The following MYO9A variants were observed in gnomAD, a reference collection of about 807,000 sequenced individuals.
MYO9A encodes the protein unconventional myosin-IXa.
A neutral mutation model predicts 293.3 loss-of-function variants in MYO9A; 103 were observed. The ratio of observed to expected loss-of-function variants is 0.35; its 90% CI spans 0.30 to 0.41. The LOEUF is 0.41. Among genes scored for constraint, MYO9A ranks in the 10% least tolerant of loss-of-function variants. The pLI is 1.00. For synonymous variants in MYO9A, 1,001 were observed against 1,035.7 expected (o/e 0.97, Z 0.64); for missense variants, 2,685 against 3,033.0 (o/e 0.89, Z 2.69).
intron 1 of MYO9A, among the ~76,000 whole-genome samples, chr15:72,081,417 T>C (rs1354007233): frequency 6.6e-6 from 1 of 152,154 alleles, no homozygotes; most frequent in African/African-American, 2.4e-5. Context: ...GGTTTTCTTC[T>C]TGTAAATTTA....
At chr15:72,037,451 A>C (rs2078089099) in intron 2 of MYO9A, among the ~76,000 whole-genome samples, 1 of 151,974 alleles carries the variant, frequency 6.6e-6, no homozygotes, top group African/African-American at 2.4e-5. Flanking sequence ...TTTGAACTTG[A>C]GGTTCTTTGT....
chr15:71,856,669 A>G lies in MYO9A; in HGVS notation c.6154-2100T>C, dbSNP rs184730370. Among the ~76,000 whole-genome samples, 4 of 152,342 alleles carry G rather than the reference A, an allele frequency of 2.6e-5. No individual in the cohort carries two copies. The East Asian group carries it at 7.7e-4, about 29-fold the overall frequency. On this transcript the variant is annotated intron_variant, in intron 34 of 41. Coordinates refer to ENST00000356056, the MANE Select transcript of MYO9A (RefSeq NM_006901.4). ...ATTATTTTGCATCATTCATGCATGT[A>G]TCTACATGCTCTGCATTCCAGCTCT... is the stretch of plus-strand genomic sequence containing the variant.
Position 71,835,550 on chromosome 15 carries a change from CTAG to C in MYO9A, c.6838-5242_6838-5240del, listed in dbSNP as rs2054906021. ...ATGATTGCATTTAAATATTAAATACCTAGTAGTAATTCAAACTAAAGATGTGTA... is the reference window on the plus strand; with the variant it reads ...ATGATTGCATTTAAATATTAAATACCTAGTAATTCAAACTAAAGATGTGTA... On this transcript the variant is annotated intron_variant, in intron 39 of 41. Transcript: ENST00000356056. Among the ~76,000 whole-genome samples the C allele has an allele frequency of 2.0e-5, 3 of 151,830 alleles. 1 individual carries two copies. The Middle Eastern group carries it at 0.01, about 516-fold the overall frequency.
At position 71,883,684 on chromosome 15, in the gene MYO9A, T is replaced by C. The variant is rs112092094; in HGVS notation, c.5308A>G (p.Lys1770Glu). The C allele has an allele frequency of 6.2e-7, 1 of 1,613,580 alleles. No homozygotes were observed. The highest frequency in any genetic ancestry group is 8.5e-7 in the Non-Finnish European group (1 of 1,179,690). The stretch of plus-strand genomic sequence containing the variant: ...GTAGTAGGTTTCACTCTGGTAGTCT[T>C]CTTCTCCCCTTGTTTCCCTTTGGCC... ...FWAKGKQGEKKTTRVKPTTQS... is the reference protein window; with the variant it reads ...FWAKGKQGEKETTRVKPTTQS... The change falls in exon 28 of 42, where the codon AAG becomes GAG. Residue 1770 changes from lysine to glutamate, a missense_variant. Around this residue, in one of 10 missense-constraint regions of MYO9A, gnomAD observed 1,434 missense variants for 1,497.7 expected, o/e 0.96. Coordinates refer to ENST00000356056, the MANE Select transcript of MYO9A (RefSeq NM_006901.4).
chr15:72,004,011 T>C (rs980304671), intron 8 of MYO9A, among the ~76,000 whole-genome samples: 10 of 152,158 alleles, frequency 6.6e-5, no homozygotes, highest in African/African-American at 1.9e-4. Context: ...CTGACAAAGA[T>C]TGTACATAGA....
chr15:71,825,995 G>GTTTTTTT lies in MYO9A; in HGVS notation c.*578_*584dup, dbSNP rs11368306. 69 of 91,456 alleles carry GTTTTTTT rather than the reference G, an allele frequency of 7.5e-4. No individual in the cohort carries two copies. The highest frequency in any genetic ancestry group is 1.1e-3 in the South Asian group (3 of 2,720). 5.7% of individuals were successfully genotyped at this position (91,456 alleles called of 1,614,324 possible). On this transcript the variant is annotated 3_prime_UTR_variant, in exon 42 of 42. Transcript: ENST00000356056. The stretch of plus-strand genomic sequence containing the variant: ...ATGGAAACAATCACGGTTTTTTTTT[G>GTTTTTTT]TTTTTTTTTTTTTGTTTTTTTTTTT...
At chr15:72,037,064 T>C (rs910757961) in intron 2 of MYO9A, among the ~76,000 whole-genome samples, 5 of 150,448 alleles carry the variant, frequency 3.3e-5, no homozygotes, top group African/African-American at 9.8e-5. Flanking sequence ...CAACAGGGTC[T>C]CACTCTGTCA....
chr15:71,871,911 T>C (rs954097281), intron 32 of MYO9A, among the ~76,000 whole-genome samples: 2 of 151,476 alleles, frequency 1.3e-5, no homozygotes, highest in Non-Finnish European at 1.5e-5. Flanking sequence ...GTATAAAATA[T>C]ATATAATCAT....
rs746144685 is a variant in MYO9A, at chr15:71,897,562, A to G, written c.4941T>C (p.Phe1647=). The G allele has an allele frequency of 8.7e-6, 14 of 1,614,092 alleles. No homozygotes were observed. The highest frequency in any genetic ancestry group is 1.1e-5 in the South Asian group (1 of 91,088). The change falls in exon 25 of 42, where the codon TTT becomes TTC. Residue 1647 remains phenylalanine, a synonymous_variant. Coordinates refer to ENST00000356056, the MANE Select transcript of MYO9A (RefSeq NM_006901.4). ...SNNRISKREH[F]RPTQSYSHNS... is the part of the protein sequence containing the mutation. ...TGTGGCTGTAAGACTGAGTTGGCCTAAAGTGTTCTCTTTTTGAAATGCGAT... is the reference window on the plus strand; with the variant it reads ...TGTGGCTGTAAGACTGAGTTGGCCTGAAGTGTTCTCTTTTTGAAATGCGAT...
At chr15:71,885,814 T>G (rs1387090606) in intron 27 of MYO9A, among the ~76,000 whole-genome samples, 1 of 152,178 alleles carries the variant, frequency 6.6e-6, no homozygotes, top group Non-Finnish European at 1.5e-5. Context: ...TTCCTACCAT[T>G]GGGTCATTGG....
chr15:71,870,589 T>C (rs1486958565), intron 32 of MYO9A, among the ~76,000 whole-genome samples: 1 of 152,202 alleles, frequency 6.6e-6, no homozygotes, highest in Non-Finnish European at 1.5e-5. Flanking sequence ...GAGTATACTG[T>C]TGTCTCTCAG....
intron 33 of MYO9A, among the ~76,000 whole-genome samples, chr15:71,860,916 G>A (rs1381666349): frequency 3.1e-5 from 4 of 127,386 alleles, no homozygotes; most frequent in Non-Finnish European, 6.2e-5. Context: ...GCAGTGAGCT[G>A]AGATTGTGCC....
intron 17 of MYO9A, among the ~76,000 whole-genome samples, chr15:71,934,786 C>CTTTTTTTTTTT (rs1167613386): frequency 2.6e-3 from 163 of 61,776 alleles, no homozygotes; most frequent in East Asian, 5.4e-3. Flanking sequence ...CTTTTCTTTT[C>CTTTTTTTTTTT]TTTTTTTTTT....
At chr15:71,886,151 A>C (rs573445745) in intron 27 of MYO9A, among the ~76,000 whole-genome samples, 2 of 151,344 alleles carry the variant, frequency 1.3e-5, no homozygotes, top group African/African-American at 4.8e-5. Flanking sequence ...ATTTCCTCAA[A>C]TATACGGTGA....
rs1434709794 is a variant in MYO9A, at chr15:72,045,762, C to T, written c.802G>A (p.Val268Ile). 6.2e-7 allele frequency: 1 copy of T among 1,613,742 alleles called. No individual in the cohort carries two copies. The highest frequency in any genetic ancestry group is 8.5e-7 in the Non-Finnish European group (1 of 1,179,848). ...CCAGCTCCAAGAATAATCTGTTCTA[C>T]TCCACTGGCAAATCCTTTCTGACTG... ...ALSQKGFASGVEQIILGAGPV... is the reference protein window; with the variant it reads ...ALSQKGFASGIEQIILGAGPV... Residue 268 changes from valine (V) to isoleucine (I), a missense_variant, in exon 2 of 42, where the codon GTA becomes ATA. By Grantham distance (29) the Val-to-Ile change is conservative. This residue lies in a region of MYO9A where 289 missense variants were observed against 456.8 expected (regional missense o/e 0.63). Transcript: ENST00000356056.
chr15:71,864,875 G>A (rs557814757), intron 32 of MYO9A, among the ~76,000 whole-genome samples: 7 of 152,218 alleles, frequency 4.6e-5, no homozygotes, highest in African/African-American at 7.2e-5. Flanking sequence ...TCTAAAATTG[G>A]ATTGAGATGA....
Position 71,862,517 on chromosome 15 carries a change from CGGTCCATTATCCATATCAAAGAA to C in MYO9A, c.6051_6073del (p.Ile2020CysfsTer11). The C allele has an allele frequency of 6.2e-7, 1 of 1,607,396 alleles. No individual in the cohort carries two copies. The highest frequency in any genetic ancestry group is 1.1e-5 in the South Asian group (1 of 90,810). On this transcript the variant is annotated frameshift_variant, in exon 33 of 42. Transcript: ENST00000356056. LOFTEE classifies it high-confidence loss of function. The stretch of plus-strand genomic sequence containing the variant: ...ATACTTACATTTGCAAACAGAGGCT[CGGTCCATTATCCATATCAAAGAA>C]GAACAGTATTCACAGTATGTAGGGA...
chr15:71,863,410 A>G (rs1157318920), intron 32 of MYO9A, among the ~76,000 whole-genome samples: 1 of 152,084 alleles, frequency 6.6e-6, no homozygotes, highest in Non-Finnish European at 1.5e-5. Flanking sequence ...CAATAAATGT[A>G]TTATACATGA....
chr15:72,039,270 C>T (rs2078154603), intron 2 of MYO9A, among the ~76,000 whole-genome samples: 1 of 152,018 alleles, frequency 6.6e-6, no homozygotes. Context: ...AAATACCATC[C>T]ATACTTTTCA....
Sources: gnomAD v4.1 joint callset for allele counts (sites outside exome capture counted in the v4.1 genomes callset) on GRCh38, gnomAD v4.1.1 for gene constraint, gnomAD v4.1.1 regional missense constraint, MANE v1.5 for transcripts, NCBI Gene and HGNC (gene_info 2026-07-23, HGNC 2026-07-21) for gene names.